BARD1: variants seen among roughly 807,000 people sequenced by gnomAD.
The protein encoded by BARD1 is BRCA1 associated RING domain 1, also known as BRCA1-associated RING domain protein 1.
BARD1 carries 73 observed loss-of-function variants against 77.0 expected under a neutral mutation model. The ratio of observed to expected loss-of-function variants is 0.95; its 90% CI spans 0.79 to 1.15. The LOEUF (loss-of-function observed/expected upper bound fraction) is 1.15. Among genes scored for constraint, BARD1 ranks in the 50% most tolerant of loss-of-function variants. The probability of loss-of-function intolerance (pLI) is 0.00; values close to 1 mark genes in which losing one functional copy is unlikely to be tolerated. For synonymous variants in BARD1, 384 were observed against 338.0 expected, an observed-to-expected ratio of 1.14 and a Z score of -1.49; for missense variants, 993 against 938.8, an observed-to-expected ratio of 1.06 and a Z score of -0.75.
In BARD1 at chr2:214,727,677, G is replaced by A. The variant is rs558535474; in HGVS notation, c.*999C>T. 8.7e-6 allele frequency: 2 copies of A among 228,820 alleles called. No individual in the cohort carries two copies. The highest frequency in any genetic ancestry group is 1.8e-4 in the South Asian group (1 of 5,488). The allele number at this position is 228,820 out of a possible 1,614,324, so 14.2% of individuals were successfully genotyped here. A position where few individuals can be genotyped will look rare whatever the true frequency, so the allele number is the denominator to read the frequency against. On this transcript the variant is annotated 3_prime_UTR_variant, in exon 11 of 11. Coordinates refer to ENST00000260947, the MANE Select transcript of BARD1 (RefSeq NM_000465.4). ...ATACTTACTGTATGGCCTTTTGTATGATCTGGAAAAAATCTGTTGTAAATC... is the reference window on the plus strand; with the variant it reads ...ATACTTACTGTATGGCCTTTTGTATAATCTGGAAAAAATCTGTTGTAAATC...
rs760718143 is a variant in BARD1, at chr2:214,781,257, T to G, written c.617A>C (p.Gln206Pro). Reference protein sequence around the residue: ...KKASARSGKKQKKKTLAEINQ... With the variant: ...KKASARSGKKPKKKTLAEINQ... ...GATTTCAGCTAAAGTTTTCTTTTTT[T>G]GCTTTTTTCCAGATCTTGCAGAAGC... Residue 206 changes from glutamine to proline, a missense_variant, in exon 4 of 11, where the codon CAA (glutamine) becomes CCA (proline). Gln to Pro is a moderately conservative substitution (Grantham distance 76). Transcript: ENST00000260947. 2 of 1,595,290 alleles carry G rather than the reference T, an allele frequency of 1.3e-6. No individual in the cohort carries two copies. Among genetic ancestry groups the G allele is most frequent in the South Asian group, 2.3e-5 (2 of 85,936 alleles).
intron 8 of BARD1, among the ~76,000 whole-genome samples, 200 bp downstream of exon 8, chr2:214,745,522 T>C (rs1693060836): frequency 6.6e-6 from 1 of 152,208 alleles, no homozygotes; most frequent in Non-Finnish European, 1.5e-5. Flanking sequence ...ATGCAAACCT[T>C]TAAACTTTAC....
chr2:214,792,233 T>A, intron 3 of BARD1, 64 bp downstream of exon 3: 1 of 1,470,860 alleles, frequency 6.8e-7, no homozygotes, highest in Non-Finnish European at 9.5e-7. Context: ...ATATACTTTA[T>A]GAATATGAAT....
At chr2:214,805,102 A>G (rs905468483) in intron 1 of BARD1, among the ~76,000 whole-genome samples, 2 of 151,882 alleles carry the variant, frequency 1.3e-5, no homozygotes, top group African/African-American at 4.8e-5. Context: ...CGGAGGTTGC[A>G]GTGAGCCGAG....
chr2:214,782,084 A>G (rs1308391465), intron 3 of BARD1, among the ~76,000 whole-genome samples: 1 of 152,204 alleles, frequency 6.6e-6, no homozygotes, highest in Admixed American at 6.5e-5. Flanking sequence ...TGGAGGACTC[A>G]TACTATATGA....
intron 9 of BARD1, chr2:214,731,133 G>C: frequency 6.7e-6 from 1 of 148,798 alleles, no homozygotes; most frequent in South Asian, 8.0e-5. Flanking sequence ...ATTGGGCTTT[G>C]CAGGAAAAAA....
intron 6 of BARD1, among the ~76,000 whole-genome samples, chr2:214,756,528 T>A (rs554371263): frequency 1.3e-5 from 2 of 152,196 alleles, no homozygotes; most frequent in African/African-American, 4.8e-5. Context: ...TACATGCACA[T>A]GCATGTTTAT....
At chr2:214,730,605 T>G in intron 9 of BARD1, 97 bp from the exon 10 acceptor site, 1 of 960,166 alleles carries the variant, frequency 1.0e-6, no homozygotes, top group South Asian at 1.4e-5. Flanking sequence ...GTTTTTCTTC[T>G]TCATGGCAGT....
At chr2:214,794,611 A>G (rs1695675823) in intron 2 of BARD1, among the ~76,000 whole-genome samples, 1 of 152,008 alleles carries the variant, frequency 6.6e-6, no homozygotes. Flanking sequence ...TCAGTTTTGT[A>G]CGGTAAATGC....
At chr2:214,734,587 C>T (rs907093007) in intron 9 of BARD1, among the ~76,000 whole-genome samples, 27 of 152,056 alleles carry the variant, frequency 1.8e-4, no homozygotes, top group African/African-American at 6.3e-4. Flanking sequence ...ATAGATTGAA[C>T]GTGTACATTG....
intron 9 of BARD1, among the ~76,000 whole-genome samples, chr2:214,744,758 G>A (rs1559385680): frequency 6.6e-6 from 1 of 152,126 alleles, no homozygotes. Context: ...AGCCTCCCAA[G>A]TAGCTGGGAC....
At chr2:214,796,495 G>C (rs1695759482) in intron 2 of BARD1, among the ~76,000 whole-genome samples, 1 of 152,172 alleles carries the variant, frequency 6.6e-6, no homozygotes, top group South Asian at 2.1e-4. Context: ...GCAAAGACCA[G>C]AGTGATACAT....
intron 9 of BARD1, chr2:214,731,147 A>AT (rs1692338685): frequency 1.9e-5 from 4 of 214,094 alleles, no homozygotes; most frequent in Non-Finnish European, 3.9e-5. Flanking sequence ...GAAAAAAAAA[A>AT]GCATTCTTTT....
Position 214,780,790 on chromosome 2 carries a change from A to C in BARD1, c.1084T>G (p.Cys362Gly), listed in dbSNP as rs141351035. 9.1e-6 allele frequency: 14 copies of C among 1,541,382 alleles called. No individual in the cohort carries two copies. The African/African-American group carries it at 1.7e-4, about 19-fold the overall frequency. The change falls in exon 4 of 11, where the codon TGT becomes GGT. Residue 362 changes from cysteine (C) to glycine (G), a missense_variant. By Grantham distance (159) the Cys-to-Gly change is radical. Coordinates refer to ENST00000260947, the MANE Select transcript of BARD1 (RefSeq NM_000465.4). The part of the protein sequence containing the change: ...VPSENIPLPE[C>G]SSPPSCKRKV... ...CGTTTGCATGAAGGTGGTGAAGAAC[A>C]TTCAGGCAATGGTATATTTTCTGAG...
rs377059827 is a variant in BARD1 at position 214,747,470 on chromosome 2, C to T, written c.1678-1616G>A. 6.7e-5 allele frequency among the ~76,000 whole-genome samples: 10 copies of T among 148,314 alleles called. No individual in the cohort carries two copies. In the East Asian group the frequency reaches 7.9e-4, roughly 12 times the overall value. On this transcript the variant is annotated intron_variant, in intron 7 of 10. Coordinates refer to ENST00000260947, the MANE Select transcript of BARD1 (RefSeq NM_000465.4). Reference sequence around the variant, plus strand: ...TGGAACCAACCCAAATGTCCAACAACGATAGACTGGATTAAGAAAATGTGG... The same window carrying T: ...TGGAACCAACCCAAATGTCCAACAATGATAGACTGGATTAAGAAAATGTGG...
chr2:214,762,061 T>C (rs1386045246), intron 6 of BARD1, among the ~76,000 whole-genome samples: 1 of 152,210 alleles, frequency 6.6e-6, no homozygotes. Context: ...ACTATACAGG[T>C]TGAGCATTGC....
chr2:214,735,109 C>T (rs966392352), intron 9 of BARD1, among the ~76,000 whole-genome samples: 3 of 152,086 alleles, frequency 2.0e-5, no homozygotes, highest in African/African-American at 7.2e-5. Flanking sequence ...TAAGATTAAA[C>T]TTAGGGCCAG....
chr2:214,739,839 T>C (rs1221288053), intron 9 of BARD1, among the ~76,000 whole-genome samples: 1 of 152,114 alleles, frequency 6.6e-6, no homozygotes, highest in African/African-American at 2.4e-5. Flanking sequence ...AGCATATTTA[T>C]ATGTAGAAAT....
chr2:214,757,365 T>C, intron 6 of BARD1, among the ~76,000 whole-genome samples: 1 of 152,106 alleles, frequency 6.6e-6, no homozygotes, highest in East Asian at 1.9e-4. Flanking sequence ...AAAATATGCT[T>C]TATAAAATCT....
Sources: allele counts gnomAD v4.1 joint callset (sites outside exome capture counted in the v4.1 genomes callset), GRCh38; gene constraint gnomAD v4.1.1; transcripts MANE v1.5; gene names NCBI Gene and HGNC (gene_info 2026-07-23, HGNC 2026-07-21).